FMN1: variants seen among roughly 807,000 people sequenced by gnomAD.
FMN1 encodes the protein formin-1.
Under a neutral mutation model 132.4 loss-of-function variants are expected in FMN1, and 110 were observed. That is an observed-to-expected ratio of 0.83 (90% CI 0.71 to 0.97). The LOEUF is 0.97. Ranked by LOEUF, FMN1 falls within the 50% of genes least tolerant of loss-of-function variation. The probability of loss-of-function intolerance (pLI) is 0.00; values close to 1 mark genes in which losing one functional copy is unlikely to be tolerated. For missense variants in FMN1, 1,792 were observed against 1,705.3 expected (o/e 1.05, Z -0.90); for synonymous variants, 722 against 651.7 (o/e 1.11, Z -1.64).
intron 9 of FMN1, among the ~76,000 whole-genome samples, chr15:32,940,391 T>TTGTGTGTGTGTGTGTGTGTGTGTG (rs67121672): frequency 1.4e-5 from 2 of 145,308 alleles, no homozygotes; most frequent in African/African-American, 5.0e-5. Context: ...AAAATAAAAA[T>TTGTGTGTGTGTGTGTGTGTGTGTG]TGTGTGTGTG....
intron 6 of FMN1, among the ~76,000 whole-genome samples, chr15:33,014,731 A>G (rs1391498659): frequency 1.3e-5 from 2 of 152,176 alleles, no homozygotes. Context: ...ATGTTGCACA[A>G]ACCTTCCTTT....
intron 19 of FMN1, among the ~76,000 whole-genome samples, chr15:32,790,709 T>C (rs2057046388): frequency 6.6e-6 from 1 of 152,210 alleles, no homozygotes. Context: ...AAGCTCCCTG[T>C]AGCTTCCACA....
chr15:33,116,039 C>T (rs1016059567), intron 4 of FMN1, among the ~76,000 whole-genome samples: 1 of 152,150 alleles, frequency 6.6e-6, no homozygotes, highest in Non-Finnish European at 1.5e-5. Flanking sequence ...TAATCACTCA[C>T]CTTAAAGGTA....
At position 32,975,947 on chromosome 15, in the gene FMN1, C is replaced by T. The variant is rs980346720; in HGVS notation, c.2224-6470G>A. The stretch of plus-strand genomic sequence containing the variant: ...TCGAAGGAACACACTGTACTAAAAC[C>T]CAAGCAACAGAGGAGACTTTTGCTT... On this transcript the variant is annotated intron_variant, in intron 7 of 20. Transcript: ENST00000616417. Among the ~76,000 whole-genome samples, 3 of 152,226 alleles carry T rather than the reference C, an allele frequency of 2.0e-5. No homozygotes were observed. The East Asian group carries it at 5.8e-4, about 29-fold the overall frequency.
intron 17 of FMN1, among the ~76,000 whole-genome samples, chr15:32,824,334 T>G (rs577410911): frequency 6.6e-6 from 1 of 152,340 alleles, no homozygotes; most frequent in East Asian, 1.9e-4. Context: ...AGTGCGTGCT[T>G]ACCTCACAGA....
In FMN1 at chr15:32,809,140, GT is replaced by G. The variant is rs563632516; in HGVS notation, c.3929-4809del. 7.5e-4 allele frequency among the ~76,000 whole-genome samples: 114 copies of G among 152,216 alleles called. No individual in the cohort carries two copies. The South Asian group carries it at 0.02, about 27-fold the overall frequency. The stretch of plus-strand genomic sequence containing the variant: ...AGGTACTTAATGATTACTCTCACCT[GT>G]TTTTTCCCCTTAATGACCATGGAGT... On this transcript the variant is annotated intron_variant, in intron 17 of 20. Transcript: ENST00000616417.
intron 3 of FMN1, 138 bp from the exon 4 acceptor site, chr15:33,155,183 C>T (rs1474503670): frequency 6.6e-5 from 24 of 364,228 alleles, no homozygotes; most frequent in Non-Finnish European, 5.0e-6. Flanking sequence ...AGACAACAGC[C>T]AGATTTCAAT....
intron 6 of FMN1, among the ~76,000 whole-genome samples, chr15:33,018,987 C>G (rs1426455287): frequency 6.6e-6 from 1 of 152,136 alleles, no homozygotes; most frequent in Non-Finnish European, 1.5e-5. Context: ...TGAGCAGCAG[C>G]AAGATTTATT....
rs1162141792 is a variant in FMN1 at position 32,969,086 on chromosome 15, G to A, written c.2615C>T (p.Pro872Leu). The A allele has an allele frequency of 3.1e-6, 5 of 1,604,648 alleles. No homozygotes were observed. The Admixed American group carries it at 6.7e-5, about 22-fold the overall frequency. The change falls in exon 8 of 21, where the codon CCC becomes CTC. Residue 872 changes from proline to leucine, a missense_variant. Pro to Leu is a moderately conservative substitution (Grantham distance 98). Coordinates refer to ENST00000616417, the MANE Select transcript of FMN1 (RefSeq NM_001277313.2). ...SNQQKALPPP[P>L]ASIPPPPPLP... ...GGGCGGAGGGGGAGGGATGGATGCG[G>A]GAGGCGGAGGCAATGCCTTCTGCTG...
rs558537128 is a variant in FMN1 at position 33,053,535 on chromosome 15, G to T, written c.2161+11422C>A. 3.3e-5 allele frequency among the ~76,000 whole-genome samples: 5 copies of T among 152,272 alleles called. No homozygotes were observed. The East Asian group carries it at 7.7e-4, about 24-fold the overall frequency. On this transcript the variant is annotated intron_variant, in intron 6 of 20. Transcript: ENST00000616417. ...AGAAGAATCCTGCTTCAACAAGACTGCCCTCATTTTGGAGGCCAATAGCAA... is the reference window on the plus strand; with the variant it reads ...AGAAGAATCCTGCTTCAACAAGACTTCCCTCATTTTGGAGGCCAATAGCAA...
In FMN1 at chr15:32,767,394, A is replaced by G. The variant is rs1362123859; in HGVS notation, c.*6916T>C. 1 of 152,182 alleles carries G rather than the reference A, an allele frequency of 6.6e-6. No individual in the cohort carries two copies. The highest frequency in any genetic ancestry group is 6.5e-5 in the Admixed American group (1 of 15,278). 9.4% of individuals were successfully genotyped at this position (152,182 alleles called of 1,614,324 possible). On this transcript the variant is annotated 3_prime_UTR_variant, in exon 21 of 21. Transcript: ENST00000616417. Reference sequence around the variant, plus strand: ...TACATTTCTGCTAGGTCTGATTCATACTAGGATGTTGACTGCCTTCACTCA... The same window carrying G: ...TACATTTCTGCTAGGTCTGATTCATGCTAGGATGTTGACTGCCTTCACTCA...
chr15:33,108,567 AAAG>A (rs1349095743), intron 4 of FMN1, among the ~76,000 whole-genome samples: 42 of 152,130 alleles, frequency 2.8e-4, no homozygotes, highest in African/African-American at 8.2e-4. Flanking sequence ...AAAGAGAAAA[AAAG>A]AAGAAAGTTA....
chr15:32,859,140 G>A (rs2059205780), intron 16 of FMN1, among the ~76,000 whole-genome samples: 1 of 152,096 alleles, frequency 6.6e-6, no homozygotes, highest in Non-Finnish European at 1.5e-5. Flanking sequence ...GTTGGATTAT[G>A]TTTTTTTAAG....
At chr15:33,164,570 C>G (rs1965022845) in intron 3 of FMN1, among the ~76,000 whole-genome samples, 1 of 152,214 alleles carries the variant, frequency 6.6e-6, no homozygotes, top group African/African-American at 2.4e-5. Flanking sequence ...AAGATTCTCT[C>G]AAAGACGTCG....
At chr15:32,856,935 G>T in intron 17 of FMN1, 80 bp downstream of exon 17, 1 of 993,810 alleles carries the variant, frequency 1.0e-6, no homozygotes, top group Non-Finnish European at 1.6e-6. Flanking sequence ...GATGCCAGGG[G>T]CCGTGGGCCT....
intron 4 of FMN1, among the ~76,000 whole-genome samples, chr15:33,105,184 C>G (rs779551325): frequency 6.6e-6 from 1 of 152,056 alleles, no homozygotes. Flanking sequence ...TCTCTGTGCT[C>G]TGGATGTTTC....
In FMN1 at chr15:32,968,798, C is replaced by T. The variant is rs201517596; in HGVS notation, c.2903G>A (p.Ser968Asn). The change falls in exon 8 of 21, where the codon AGT becomes AAT. Residue 968 changes from serine to asparagine, a missense_variant. Physicochemically the swap from Ser to Asn is conservative, Grantham distance 46. Transcript: ENST00000616417. ...GLFFGLGSSS[S>N]QCPRKPAIEP... ...GATGGCTGGTTTTCGAGGACATTGA[C>T]TGGAAGAAGAGCCAAGTCCAAAGAA... The T allele has an allele frequency of 6.2e-7, 1 of 1,609,802 alleles. No individual in the cohort carries two copies. The highest frequency in any genetic ancestry group is 1.4e-5 in the African/African-American group (1 of 73,688).
chr15:32,920,044 TA>T (rs769938132), intron 10 of FMN1, among the ~76,000 whole-genome samples: 1 of 152,206 alleles, frequency 6.6e-6, no homozygotes, highest in South Asian at 2.1e-4. Context: ...ATCTTGATGT[TA>T]TTTAAATATT....
chr15:32,969,539 A>G (rs1269011905), intron 7 of FMN1, 62 bp from the exon 8 acceptor site: 2 of 1,549,528 alleles, frequency 1.3e-6, no homozygotes, highest in Non-Finnish European at 1.7e-6. Context: ...TTAAGAATTT[A>G]GAAACTCAAT....
Sources: gnomAD v4.1 joint callset for allele counts (sites outside exome capture counted in the v4.1 genomes callset) on GRCh38, gnomAD v4.1.1 for gene constraint, MANE v1.5 for transcripts, NCBI Gene and HGNC (gene_info 2026-07-23, HGNC 2026-07-21) for gene names.